The following RABL6 variants were observed in gnomAD, a reference collection of about 807,000 sequenced individuals.
RABL6 encodes RAB, member RAS oncogene family like 6.
Under a neutral mutation model 72.9 loss-of-function variants are expected in RABL6, and 28 were observed. The observed-to-expected ratio is 0.38, with a 90% CI of 0.28 to 0.53. The LOEUF (loss-of-function observed/expected upper bound fraction) is 0.53. Among genes scored for constraint, RABL6 ranks in the 20% least tolerant of loss-of-function variants. The probability of loss-of-function intolerance (pLI) is 0.80; values close to 1 mark genes in which losing one functional copy is unlikely to be tolerated. For synonymous variants in RABL6, 477 were observed against 421.2 expected (o/e 1.13, Z -1.62); for missense variants, 1,029 against 1,008.4 (o/e 1.02, Z -0.28).
At chr9:136,832,488 G>A in intron 7 of RABL6, 118 bp downstream of exon 7, 1 of 883,112 alleles carries the variant, frequency 1.1e-6, no homozygotes, top group Non-Finnish European at 1.9e-6. Context: ...CCTGCTCGGA[G>A]ATTGGCTGCT....
chr9:136,811,110 G>C (rs567468043), intron 1 of RABL6, among the ~76,000 whole-genome samples: 3 of 152,336 alleles, frequency 2.0e-5, no homozygotes, highest in South Asian at 4.1e-4. Flanking sequence ...TATTTGAAGA[G>C]ATTTATTTTT....
At chr9:136,810,717 A>G (rs1847992720) in intron 1 of RABL6, among the ~76,000 whole-genome samples, 1 of 151,838 alleles carries the variant, frequency 6.6e-6, no homozygotes, top group South Asian at 2.1e-4. Flanking sequence ...AATTTTTTGT[A>G]TTTTTAGTAG....
At chr9:136,822,185 C>A in intron 1 of RABL6, 2 of 987,702 alleles carry the variant, frequency 2.0e-6, no homozygotes, top group Non-Finnish European at 1.3e-6. Context: ...GTCCCCCTGA[C>A]AGAAAACCTG....
In RABL6 at chr9:136,835,534, C is replaced by CG; in HGVS notation, c.706-207dup. Reference sequence around the variant, plus strand: ...AGCCATGCTGGCAGTGTGTAGGTGTCGTGCCGGCCACCGCAGAGGAATCCT... The same window carrying CG: ...AGCCATGCTGGCAGTGTGTAGGTGTCGGTGCCGGCCACCGCAGAGGAATCCT... On this transcript the variant is annotated intron_variant, in intron 7 of 14. Coordinates refer to ENST00000311502, the MANE Select transcript of RABL6 (RefSeq NM_024718.5). The CG allele has an allele frequency of 5.5e-6, 3 of 544,666 alleles. No individual in the cohort carries two copies. The South Asian group carries it at 7.4e-5, about 14-fold the overall frequency. 33.7% of individuals were successfully genotyped at this position (544,666 alleles called of 1,614,324 possible).
chr9:136,837,857 C>A lies in RABL6; in HGVS notation c.1127-5C>A. The A allele has an allele frequency of 6.5e-7, 1 of 1,548,666 alleles. No homozygotes were observed. The highest frequency in any genetic ancestry group is 1.2e-5 in the South Asian group (1 of 83,982). ...GTGAAGAGGACCCGGCATCACTGTT[C>A]ACAGAGCCAGTCCCGGCCGCAGAGG... On this transcript the variant is annotated splice_polypyrimidine_tract_variant and splice_region_variant and intron_variant, in intron 9 of 14. Coordinates refer to ENST00000311502, the MANE Select transcript of RABL6 (RefSeq NM_024718.5).
chr9:136,836,065 T>C, intron 8 of RABL6: 1 of 501,126 alleles, frequency 2.0e-6, no homozygotes, highest in Non-Finnish European at 3.6e-6. Flanking sequence ...CAGGTCATGC[T>C]GTGCCTGCCA....
Position 136,829,375 on chromosome 9 carries a change from G to C in RABL6, c.367-18G>C, listed in dbSNP as rs780448034. On this transcript the variant is annotated intron_variant, in intron 4 of 14. Coordinates refer to ENST00000311502, the MANE Select transcript of RABL6 (RefSeq NM_024718.5). ...CCCAGCCTGGGCCAGTCTCACACCTGTTCCCTCCTGTCCCCAGGCGGAGTC... is the reference window on the plus strand; with the variant it reads ...CCCAGCCTGGGCCAGTCTCACACCTCTTCCCTCCTGTCCCCAGGCGGAGTC... The C allele has an allele frequency of 6.4e-7, 1 of 1,555,198 alleles. No homozygotes were observed. The highest frequency in any genetic ancestry group is 1.2e-5 in the South Asian group (1 of 84,308).
intron 1 of RABL6, among the ~76,000 whole-genome samples, chr9:136,815,845 T>C (rs1352646741): frequency 6.6e-6 from 1 of 152,230 alleles, no homozygotes; most frequent in Admixed American, 6.5e-5. Flanking sequence ...GGGCCTCAAA[T>C]AGAGCTCTGT....
chr9:136,838,230 C>T (rs918546346), intron 10 of RABL6, among the ~76,000 whole-genome samples: 1 of 152,208 alleles, frequency 6.6e-6, no homozygotes, highest in African/African-American at 2.4e-5. Flanking sequence ...CTGCTCTGCC[C>T]ACACCCTGGA....
chr9:136,837,291 G>A (rs1360949701), intron 8 of RABL6, 55 bp from the exon 9 acceptor site: 1 of 1,506,306 alleles, frequency 6.6e-7, no homozygotes, highest in East Asian at 2.4e-5. Flanking sequence ...TGTCACCTGA[G>A]GGCCTCAGGG....
At chr9:136,821,388 C>T (rs758597535) in intron 1 of RABL6, 143 of 985,354 alleles carry the variant, frequency 1.5e-4, no homozygotes, top group Non-Finnish European at 1.7e-4. Flanking sequence ...GGAAGCACAG[C>T]GCGTGGGCCG....
At chr9:136,831,570 G>C (rs1486114966) in intron 5 of RABL6, 151 bp from the exon 6 acceptor site, 3 of 1,154,722 alleles carry the variant, frequency 2.6e-6, no homozygotes, top group African/African-American at 1.5e-5. Context: ...CTTCCCTCTA[G>C]CTCTGCATGC....
intron 1 of RABL6, chr9:136,815,327 C>CT (rs1848097969): frequency 3.6e-6 from 1 of 275,476 alleles, no homozygotes. Context: ...CACCTGCAGC[C>CT]TTTTTTGTTC....
At chr9:136,819,754 AG>A (rs912251436) in intron 1 of RABL6, among the ~76,000 whole-genome samples, 57 of 152,304 alleles carry the variant, frequency 3.7e-4, no homozygotes, top group African/African-American at 1.3e-3. Flanking sequence ...TGAAGGCTCA[AG>A]GAACATTGAT....
chr9:136,834,712 C>CA (rs1848553221), intron 7 of RABL6, among the ~76,000 whole-genome samples: 1 of 152,022 alleles, frequency 6.6e-6, no homozygotes, highest in African/African-American at 2.4e-5. Flanking sequence ...CTCTTGACCT[C>CA]GTGATCTGCC....
intron 1 of RABL6, among the ~76,000 whole-genome samples, chr9:136,811,116 T>C (rs1315101397): frequency 2.0e-5 from 3 of 152,244 alleles, no homozygotes; most frequent in Non-Finnish European, 4.4e-5. Context: ...AAGAGATTTA[T>C]TTTTGAGCTG....
intron 13 of RABL6, 129 bp from the exon 14 acceptor site, chr9:136,840,025 C>T (rs1848660151): frequency 1.3e-6 from 2 of 1,483,776 alleles, no homozygotes; most frequent in South Asian, 2.3e-5. Context: ...GCAGTGTGGT[C>T]CTGTCCATCA....
At chr9:136,820,129 G>A (rs986748594) in intron 1 of RABL6, among the ~76,000 whole-genome samples, 6 of 150,678 alleles carry the variant, frequency 4.0e-5, no homozygotes, top group Non-Finnish European at 5.9e-5. Context: ...AATCCAGTAG[G>A]TGGAGGTTGC....
At chr9:136,832,722 C>T (rs1473836105) in intron 7 of RABL6, 3 of 367,510 alleles carry the variant, frequency 8.2e-6, no homozygotes, top group Non-Finnish European at 1.6e-5. Context: ...GCCTCAAACT[C>T]CGGGGCTCAG....
Sources: allele counts gnomAD v4.1 joint callset (sites outside exome capture counted in the v4.1 genomes callset), GRCh38; gene constraint gnomAD v4.1.1; transcripts MANE v1.5; gene names NCBI Gene and HGNC (gene_info 2026-07-23, HGNC 2026-07-21).